DLGAP2: variants seen among roughly 807,000 people sequenced by gnomAD.
DLGAP2 encodes the protein disks large-associated protein 2.
In DLGAP2, 26 loss-of-function variants were observed where a neutral mutation model predicts 100.3. The ratio of observed to expected loss-of-function variants is 0.26; its 90% CI spans 0.19 to 0.36. The LOEUF is 0.36. Ranked by LOEUF, DLGAP2 falls within the 10% of genes least tolerant of loss-of-function variation. DLGAP2 has a pLI of 1.00. For missense variants in DLGAP2, 1,858 were observed against 1,453.2 expected (o/e 1.28, Z -4.53); for synonymous variants, 886 against 630.1 (o/e 1.41, Z -6.08).
intron 13 of DLGAP2, among the ~76,000 whole-genome samples, chr8:1,694,238 G>A (rs1322496679): frequency 2.6e-5 from 4 of 152,170 alleles, no homozygotes; most frequent in Admixed American, 2.6e-4. Flanking sequence ...AGGGAGGGGT[G>A]GTGCCTGAGA....
At chr8:1,241,927 A>G (rs13277024) in intron 2 of DLGAP2, among the ~76,000 whole-genome samples, 16,643 of 152,248 alleles carry the variant, frequency 0.11, 1,314 homozygotes, top group East Asian at 0.37. Context: ...TTTTAATATG[A>G]CAAGGTACAT....
Position 1,701,199 on chromosome 8 carries a change from G to A in DLGAP2, c.2961G>A (p.Lys987=), listed in dbSNP as rs1206768811. ...GCGCTGCTTTTCAGGAAGAAAGAAA[G>A]GTCCCGCCTCCAATACCAAAGAAGC... is the stretch of plus-strand genomic sequence containing the variant. ...MESPERKEER[K]VPPPIPKKPP... Residue 987 remains lysine, a synonymous_variant, in exon 15 of 15, where the codon AAG becomes AAA. Transcript: ENST00000637795. 1 of 1,563,062 alleles carries A rather than the reference G, an allele frequency of 6.4e-7. No individual in the cohort carries two copies. Among genetic ancestry groups the A allele is most frequent in the Non-Finnish European group, 8.7e-7 (1 of 1,154,762 alleles).
chr8:1,178,157 C>G (rs1797302881), intron 2 of DLGAP2, among the ~76,000 whole-genome samples: 1 of 152,174 alleles, frequency 6.6e-6, no homozygotes, highest in Non-Finnish European at 1.5e-5. Context: ...CGGAGGACTG[C>G]CTGAAGGCAG....
intron 1 of DLGAP2, among the ~76,000 whole-genome samples, chr8:880,046 T>C (rs760527387): frequency 6.6e-6 from 1 of 152,230 alleles, no homozygotes; most frequent in African/African-American, 2.4e-5. Context: ...CAGGAAATTC[T>C]GTCCTGGCCT....
chr8:1,504,312 C>A (rs1213566568), intron 4 of DLGAP2, among the ~76,000 whole-genome samples: 1 of 151,930 alleles, frequency 6.6e-6, no homozygotes, highest in Admixed American at 6.6e-5. Context: ...TAGTATACAA[C>A]GTGATGTTTT....
At chr8:1,568,010 A>T (rs1199094832) in intron 6 of DLGAP2, among the ~76,000 whole-genome samples, 1 of 149,428 alleles carries the variant, frequency 6.7e-6, no homozygotes, top group Admixed American at 6.7e-5. Flanking sequence ...GTGGACCCCC[A>T]TGCCACTGTC....
chr8:1,481,104 G>A (rs542383820), intron 3 of DLGAP2, among the ~76,000 whole-genome samples: 6 of 151,964 alleles, frequency 3.9e-5, no homozygotes, highest in Admixed American at 1.3e-4. Flanking sequence ...CCTGGGAGGC[G>A]GAGCTTGCAG....
intron 2 of DLGAP2, among the ~76,000 whole-genome samples, chr8:1,243,977 C>A (rs1431935655): frequency 6.6e-6 from 1 of 152,116 alleles, no homozygotes; most frequent in Non-Finnish European, 1.5e-5. Context: ...CGCACTCCAC[C>A]ATAGGGATGG....
intron 4 of DLGAP2, among the ~76,000 whole-genome samples, chr8:1,537,779 A>C (rs922945560): frequency 3.3e-5 from 5 of 152,078 alleles, no homozygotes; most frequent in Non-Finnish European, 5.9e-5. Flanking sequence ...GGAAGGAAGG[A>C]AGGAAGGACA....
At chr8:792,904 A>G (rs1020895512) in intron 1 of DLGAP2, among the ~76,000 whole-genome samples, 1 of 152,068 alleles carries the variant, frequency 6.6e-6, no homozygotes, top group Admixed American at 6.6e-5. Context: ...GTGTGTTTTC[A>G]CTTCCCACGC....
intron 2 of DLGAP2, among the ~76,000 whole-genome samples, chr8:1,023,646 C>G (rs555753842): frequency 4.7e-4 from 71 of 151,772 alleles, no homozygotes; most frequent in Admixed American, 1.6e-3. Context: ...TTGTTCCCCA[C>G]GTGTGGCTCA....
At chr8:902,469 G>A (rs1333257981) in intron 1 of DLGAP2, among the ~76,000 whole-genome samples, 5 of 148,482 alleles carry the variant, frequency 3.4e-5, no homozygotes, top group African/African-American at 1.3e-4. Context: ...TTGAGCCCAG[G>A]TAGCCTAGCG....
In DLGAP2 at chr8:1,352,516, C is replaced by T. The variant is rs79249970; in HGVS notation, c.106+93633C>T. ...CCACCCCAGACAGACGTCTTAAGTG[C>T]CACCATGACATTAATATTCTTAGAG... is the stretch of plus-strand genomic sequence containing the variant. On this transcript the variant is annotated intron_variant, in intron 3 of 14. Coordinates refer to ENST00000637795, the MANE Select transcript of DLGAP2 (RefSeq NM_001346810.2). Among the ~76,000 whole-genome samples, 417 of 152,328 alleles carry T rather than the reference C, an allele frequency of 2.7e-3. 1 individual carries two copies. The highest frequency in any genetic ancestry group is 9.7e-3 in the African/African-American group (404 of 41,572).
At chr8:1,111,729 C>T (rs1183994963) in intron 2 of DLGAP2, among the ~76,000 whole-genome samples, 5 of 152,262 alleles carry the variant, frequency 3.3e-5, no homozygotes. Context: ...CTGCAGAGGT[C>T]ATGGGTCTTA....
chr8:1,096,642 G>A (rs867775320), intron 2 of DLGAP2, among the ~76,000 whole-genome samples: 9 of 150,800 alleles, frequency 6.0e-5, no homozygotes, highest in South Asian at 4.2e-4. Context: ...ACCTCCCTGC[G>A]CTCAGTAGAG....
intron 12 of DLGAP2, among the ~76,000 whole-genome samples, chr8:1,681,118 C>G (rs1798933234): frequency 6.6e-6 from 1 of 152,128 alleles, no homozygotes; most frequent in South Asian, 2.1e-4. Context: ...CATAAAATGC[C>G]TATAAAATTG....
chr8:1,552,332 A>G (rs560984372), intron 5 of DLGAP2, among the ~76,000 whole-genome samples: 13 of 152,110 alleles, frequency 8.5e-5, no homozygotes, highest in Non-Finnish European at 1.9e-4. Flanking sequence ...CCATCCCCAC[A>G]TCCGCCTCCC....
intron 7 of DLGAP2, among the ~76,000 whole-genome samples, chr8:1,630,627 G>A (rs1027929535): frequency 4.6e-5 from 7 of 151,972 alleles, no homozygotes; most frequent in East Asian, 1.9e-4. Context: ...GCGTGAATCC[G>A]GGAGGTGGAG....
intron 2 of DLGAP2, among the ~76,000 whole-genome samples, chr8:1,150,665 G>A (rs1318313738): frequency 1.3e-5 from 2 of 152,182 alleles, no homozygotes; most frequent in African/African-American, 4.8e-5. Flanking sequence ...TCAACTTGGA[G>A]GTTATTCTAA....
Sources: gnomAD v4.1 joint callset for allele counts (sites outside exome capture counted in the v4.1 genomes callset) on GRCh38, gnomAD v4.1.1 for gene constraint, MANE v1.5 for transcripts, NCBI Gene and HGNC (gene_info 2026-07-23, HGNC 2026-07-21) for gene names.